The following LRP1B variants were observed in gnomAD, a reference collection of about 807,000 sequenced individuals.
LRP1B encodes the protein LDL receptor related protein 1B, also known as low-density lipoprotein receptor-related protein 1B.
A neutral mutation model predicts 556.6 loss-of-function variants in LRP1B; 217 were observed. The ratio of observed to expected loss-of-function variants is 0.39; its 90% CI spans 0.35 to 0.44. The LOEUF is 0.44. Among genes scored for constraint, LRP1B ranks in the 20% least tolerant of loss-of-function variants. LRP1B has a pLI of 1.00. For missense variants in LRP1B, 5,053 were observed against 5,620.8 expected (o/e 0.90, Z 3.23); for synonymous variants, 2,047 against 1,865.8 (o/e 1.10, Z -2.50).
At chr2:141,542,845 C>A (rs1288711125) in intron 2 of LRP1B, among the ~76,000 whole-genome samples, 1 of 151,932 alleles carries the variant, frequency 6.6e-6, no homozygotes, top group Non-Finnish European at 1.5e-5. Flanking sequence ...TCTTTTAGTG[C>A]CTATTTGCAG....
At chr2:140,242,786 A>T (rs544674249) in intron 87 of LRP1B, among the ~76,000 whole-genome samples, 2 of 151,136 alleles carry the variant, frequency 1.3e-5, no homozygotes, top group Non-Finnish European at 3.0e-5. Context: ...CTGGAAGGAG[A>T]TGTGACTGCA....
intron 5 of LRP1B, among the ~76,000 whole-genome samples, chr2:141,238,930 T>C (rs1386577592): frequency 1.3e-5 from 2 of 152,168 alleles, no homozygotes; most frequent in African/African-American, 2.4e-5. Flanking sequence ...ATATTGAATA[T>C]ATAATTGGAT....
chr2:140,679,799 C>G (rs1348078472), intron 41 of LRP1B, among the ~76,000 whole-genome samples: 1 of 152,128 alleles, frequency 6.6e-6, no homozygotes, highest in African/African-American at 2.4e-5. Flanking sequence ...TTTTCTCAGA[C>G]CCTAAAGCAA....
intron 5 of LRP1B, among the ~76,000 whole-genome samples, chr2:141,241,620 A>T (rs1212192816): frequency 6.6e-6 from 1 of 152,054 alleles, no homozygotes; most frequent in East Asian, 1.9e-4. Context: ...CCAACATCCC[A>T]GTACCCTCAT....
intron 1 of LRP1B, among the ~76,000 whole-genome samples, chr2:141,945,933 TTTATTTATTTATTTA>T (rs1558978690): frequency 1.3e-5 from 2 of 151,060 alleles, no homozygotes; most frequent in Non-Finnish European, 1.5e-5. Flanking sequence ...ACCAGCAGGA[TTTATTTATTTATTTA>T]TTTATTTATT....
chr2:141,640,575 G>C (rs982494312), intron 2 of LRP1B, among the ~76,000 whole-genome samples: 2 of 152,244 alleles, frequency 1.3e-5, no homozygotes, highest in African/African-American at 4.8e-5. Flanking sequence ...AAGACCAAGG[G>C]TGGGCGGATC....
Position 141,277,603 on chromosome 2 carries a change from A to G in LRP1B, c.344-22962T>C, listed in dbSNP as rs183771714. Among the ~76,000 whole-genome samples the G allele has an allele frequency of 2.2e-3, 327 of 151,936 alleles. 5 individuals carry two copies. The highest frequency in any genetic ancestry group is 0.018 in the Admixed American group (279 of 15,242). ...AACTTTTGGGAATAAAAGATAGCAG[A>G]TTATATAATCAGAAAATATATGGAT... On this transcript the variant is annotated intron_variant, in intron 3 of 90. Coordinates refer to ENST00000389484, the MANE Select transcript of LRP1B (RefSeq NM_018557.3).
chr2:141,784,873 G>A (rs1263619281), intron 2 of LRP1B, among the ~76,000 whole-genome samples: 1 of 151,560 alleles, frequency 6.6e-6, no homozygotes, highest in Non-Finnish European at 1.5e-5. Flanking sequence ...TTTCTTTTAC[G>A]GACTGTGTAC....
chr2:142,050,647 C>G (rs1284489062), intron 1 of LRP1B, among the ~76,000 whole-genome samples: 1 of 152,090 alleles, frequency 6.6e-6, no homozygotes, highest in Non-Finnish European at 1.5e-5. Flanking sequence ...AGCTGAATTA[C>G]TTGATACCAA....
intron 5 of LRP1B, among the ~76,000 whole-genome samples, chr2:141,232,870 C>T (rs1340474614): frequency 7.3e-4 from 111 of 152,102 alleles, no homozygotes; most frequent in Non-Finnish European, 7.4e-5. Flanking sequence ...AGGAAGGAAG[C>T]CACTGAAACA....
chr2:140,581,399 GCA>G (rs1293549621), intron 43 of LRP1B, among the ~76,000 whole-genome samples: 2 of 151,936 alleles, frequency 1.3e-5, no homozygotes, highest in African/African-American at 2.4e-5. Flanking sequence ...GTCCTTCTCA[GCA>G]CATTTTGCTT....
At chr2:142,123,409 T>C (rs1707524881) in intron 1 of LRP1B, among the ~76,000 whole-genome samples, 1 of 151,964 alleles carries the variant, frequency 6.6e-6, no homozygotes, top group African/African-American at 2.4e-5. Context: ...GTCCTATTGA[T>C]TGCAAGAATA....
chr2:141,871,260 T>C (rs1032466341), intron 1 of LRP1B, among the ~76,000 whole-genome samples: 1 of 151,984 alleles, frequency 6.6e-6, no homozygotes, highest in Non-Finnish European at 1.5e-5. Flanking sequence ...CTTTATTTAA[T>C]GGAAGAGTGG....
At position 141,201,864 on chromosome 2, in the gene LRP1B, T is replaced by C. The variant is rs540099857; in HGVS notation, c.851-13281A>G. 7.2e-5 allele frequency among the ~76,000 whole-genome samples: 11 copies of C among 152,290 alleles called. No homozygotes were observed. The South Asian group carries it at 1.9e-3, about 26-fold the overall frequency. On this transcript the variant is annotated intron_variant, in intron 6 of 90. Coordinates refer to ENST00000389484, the MANE Select transcript of LRP1B (RefSeq NM_018557.3). ...GATCAATGTTATCAGTTTCATTCAGTCTGTTAAAAGAAATTGCAACCAAGA... is the reference window on the plus strand; with the variant it reads ...GATCAATGTTATCAGTTTCATTCAGCCTGTTAAAAGAAATTGCAACCAAGA...
chr2:140,887,895 G>T (rs1218255419), intron 23 of LRP1B, among the ~76,000 whole-genome samples: 1 of 152,110 alleles, frequency 6.6e-6, no homozygotes, highest in East Asian at 1.9e-4. Context: ...CCGAGGGTAG[G>T]TATTAACAGG....
At chr2:141,185,028 T>A (rs772187899) in intron 7 of LRP1B, among the ~76,000 whole-genome samples, 8 of 152,062 alleles carry the variant, frequency 5.3e-5, no homozygotes, top group Non-Finnish European at 1.0e-4. Flanking sequence ...GTCTCATTAT[T>A]CTATTCGTAA....
At chr2:140,894,883 T>C (rs900408136) in intron 23 of LRP1B, among the ~76,000 whole-genome samples, 1 of 150,526 alleles carries the variant, frequency 6.6e-6, no homozygotes, top group Non-Finnish European at 1.5e-5. Context: ...GCAGAGGTTG[T>C]AGTGAGACAA....
At position 140,381,568 on chromosome 2, in the gene LRP1B, A is replaced by C. The variant is rs538545546; in HGVS notation, c.10532-3282T>G. Among the ~76,000 whole-genome samples the C allele has an allele frequency of 2.2e-4, 33 of 152,264 alleles. 3 individuals carry two copies. The highest frequency in any genetic ancestry group is 6.5e-4 in the African/African-American group (27 of 41,560). On this transcript the variant is annotated intron_variant, in intron 67 of 90. Coordinates refer to ENST00000389484, the MANE Select transcript of LRP1B (RefSeq NM_018557.3). ...GGCTAATTGGGATTCTTCAATAAGA[A>C]TAAAATATAAAGGGCTGAGTGTGGT...
intron 83 of LRP1B, among the ~76,000 whole-genome samples, chr2:140,314,676 G>A (rs1312887185): frequency 6.6e-6 from 1 of 152,060 alleles, no homozygotes; most frequent in African/African-American, 2.4e-5. Flanking sequence ...ATCATTCTGA[G>A]CCAGGGGCAA....
Sources: gnomAD v4.1 joint callset for allele counts (sites outside exome capture counted in the v4.1 genomes callset) on GRCh38, gnomAD v4.1.1 for gene constraint, MANE v1.5 for transcripts, NCBI Gene and HGNC (gene_info 2026-07-23, HGNC 2026-07-21) for gene names.